PPARGC1A: variants seen among roughly 807,000 people sequenced by gnomAD.
PPARGC1A encodes the protein PPARG coactivator 1 alpha.
A neutral mutation model predicts 88.7 loss-of-function variants in PPARGC1A; 25 were observed. The ratio of observed to expected loss-of-function variants is 0.28; its 90% CI spans 0.21 to 0.39. The LOEUF (loss-of-function observed/expected upper bound fraction) is 0.39, where lower values mean the gene tolerates loss of function less well. PPARGC1A is among the 10% of genes least tolerant of loss of function. The probability of loss-of-function intolerance (pLI) is 1.00; values close to 1 mark genes in which losing one functional copy is unlikely to be tolerated. For synonymous variants in PPARGC1A, 363 were observed against 355.6 expected (o/e 1.02, Z -0.24); for missense variants, 880 against 968.7 (o/e 0.91, Z 1.22).
At chr4:23,947,352 GATATAT>G in the PPARGC1A span, among the ~76,000 whole-genome samples, 23 of 75,840 alleles carry the variant, frequency 3.0e-4, no homozygotes, top group African/African-American at 1.3e-3. Flanking sequence ...GTTATATAGT[GATATAT>G]ATATATATAT....
the PPARGC1A span, among the ~76,000 whole-genome samples, chr4:24,454,104 A>C: frequency 6.6e-6 from 1 of 151,748 alleles, no homozygotes. Context: ...GGAAACGTGG[A>C]TACATGGCTG....
the PPARGC1A span, among the ~76,000 whole-genome samples, chr4:24,271,925 A>G: frequency 6.6e-6 from 1 of 152,108 alleles, no homozygotes; most frequent in African/African-American, 2.4e-5. Context: ...TTGTTATTAT[A>G]TTATACTAAC....
At chr4:24,281,756 C>G in the PPARGC1A span, among the ~76,000 whole-genome samples, 1 of 152,140 alleles carries the variant, frequency 6.6e-6, no homozygotes, top group African/African-American at 2.4e-5. Flanking sequence ...TCTTCCCCCC[C>G]ACCCCCAATC....
At chr4:24,285,489 G>A in the PPARGC1A span, among the ~76,000 whole-genome samples, 279 of 152,316 alleles carry the variant, frequency 1.8e-3, no homozygotes, top group African/African-American at 6.5e-3. Context: ...ACGACTTGAT[G>A]TTTCATGGTA....
At chr4:24,116,691 C>T in the PPARGC1A span, among the ~76,000 whole-genome samples, 1 of 152,130 alleles carries the variant, frequency 6.6e-6, no homozygotes, top group Non-Finnish European at 1.5e-5. Flanking sequence ...AGAACAAGTT[C>T]AGCAAGGAAC....
At chr4:24,023,559 C>G in the PPARGC1A span, among the ~76,000 whole-genome samples, 1 of 152,186 alleles carries the variant, frequency 6.6e-6, no homozygotes, top group Non-Finnish European at 1.5e-5. Flanking sequence ...GTTGATATCA[C>G]AGAAAACATA....
the PPARGC1A span, among the ~76,000 whole-genome samples, chr4:24,026,195 G>A: frequency 1.3e-5 from 2 of 152,148 alleles, no homozygotes; most frequent in Non-Finnish European, 2.9e-5. Flanking sequence ...TCCTTACAGT[G>A]GAATATATGG....
At chr4:24,315,358 G>A in the PPARGC1A span, among the ~76,000 whole-genome samples, 5 of 152,174 alleles carry the variant, frequency 3.3e-5, no homozygotes, top group East Asian at 1.9e-4. Flanking sequence ...TATCTAAGAA[G>A]TATAGCCACA....
At chr4:23,890,066 C>T, upstream of PPARGC1A, 1 of 1,550,256 alleles carries the variant, frequency 6.5e-7, no homozygotes, top group Non-Finnish European at 8.7e-7. Context: ...ACTGAAGGCA[C>T]CTGTCTTACT....
At chr4:24,295,044 C>T in the PPARGC1A span, among the ~76,000 whole-genome samples, 1 of 152,192 alleles carries the variant, frequency 6.6e-6, no homozygotes, top group African/African-American at 2.4e-5. Flanking sequence ...CATCAATCCC[C>T]GCTTTCAACC....
At chr4:24,021,625 G>T in the PPARGC1A span, among the ~76,000 whole-genome samples, 1 of 152,132 alleles carries the variant, frequency 6.6e-6, no homozygotes, top group Non-Finnish European at 1.5e-5. Flanking sequence ...TAGAAGAAAG[G>T]GCTGCTCTAT....
chr4:24,289,242 A>AAAAAAAG, the PPARGC1A span, among the ~76,000 whole-genome samples: 13 of 95,802 alleles, frequency 1.4e-4, no homozygotes, highest in African/African-American at 2.8e-4. Context: ...AAAAAAAAAA[A>AAAAAAAG]AGAGAGAGAG....
At chr4:24,355,442 T>C in the PPARGC1A span, among the ~76,000 whole-genome samples, 1 of 152,246 alleles carries the variant, frequency 6.6e-6, no homozygotes, top group Non-Finnish European at 1.5e-5. Flanking sequence ...TCTTCTTGTA[T>C]TGCAAGATGC....
intron 2 of PPARGC1A, among the ~76,000 whole-genome samples, chr4:23,841,869 T>C (rs976352493): frequency 2.0e-5 from 3 of 152,118 alleles, no homozygotes; most frequent in Admixed American, 2.0e-4. Flanking sequence ...TGATCTTTAC[T>C]ATTTTCTATA....
the PPARGC1A span, among the ~76,000 whole-genome samples, chr4:23,980,249 T>G: frequency 6.6e-6 from 1 of 151,600 alleles, no homozygotes; most frequent in Non-Finnish European, 1.5e-5. Context: ...CTTCCAAACT[T>G]GTATTTAGTG....
the PPARGC1A span, among the ~76,000 whole-genome samples, chr4:24,272,681 C>T: frequency 3.9e-5 from 6 of 152,314 alleles, no homozygotes; most frequent in East Asian, 5.8e-4. Context: ...GAACCCCCAA[C>T]GTCATCATAA....
the PPARGC1A span, among the ~76,000 whole-genome samples, chr4:24,288,516 C>A: frequency 6.6e-6 from 1 of 152,106 alleles, no homozygotes; most frequent in Non-Finnish European, 1.5e-5. Flanking sequence ...AAGCTATTTC[C>A]AATACAAATA....
At chr4:24,207,683 G>GT in the PPARGC1A span, among the ~76,000 whole-genome samples, 1 of 152,040 alleles carries the variant, frequency 6.6e-6, no homozygotes, top group African/African-American at 2.4e-5. Context: ...ATTTACTGAC[G>GT]TTTTTGATGT....
intron 3 of PPARGC1A, among the ~76,000 whole-genome samples, chr4:23,830,195 A>G (rs1327702261): frequency 6.6e-6 from 1 of 152,168 alleles, no homozygotes; most frequent in Non-Finnish European, 1.5e-5. Context: ...GAAATTACTG[A>G]TTCAAAGAAT....
Sources: allele counts gnomAD v4.1 joint callset (sites outside exome capture counted in the v4.1 genomes callset), GRCh38; gene constraint gnomAD v4.1.1; transcripts MANE v1.5; gene names NCBI Gene and HGNC (gene_info 2026-07-23, HGNC 2026-07-21).